ADAMTS12: variants seen among roughly 807,000 people sequenced by gnomAD.
The protein encoded by ADAMTS12 is A disintegrin and metalloproteinase with thrombospondin motifs 12.
Under a neutral mutation model 167.8 loss-of-function variants are expected in ADAMTS12, and 118 were observed. The observed-to-expected ratio is 0.70, with a 90% CI of 0.61 to 0.82. ADAMTS12 has a LOEUF of 0.82. ADAMTS12 is among the 40% of genes least tolerant of loss of function. The pLI, the probability that ADAMTS12 is intolerant of heterozygous loss-of-function variation, is 0.00. For synonymous variants in ADAMTS12, 704 were observed against 716.9 expected (o/e 0.98, Z 0.29); for missense variants, 1,916 against 1,998.8 (o/e 0.96, Z 0.79).
intron 2 of ADAMTS12, among the ~76,000 whole-genome samples, chr5:33,806,253 G>A (rs897921596): frequency 2.0e-5 from 3 of 152,144 alleles, no homozygotes; most frequent in African/African-American, 7.2e-5. Context: ...TTTTCAATGT[G>A]TTAGTTCCTT....
intron 5 of ADAMTS12, among the ~76,000 whole-genome samples, chr5:33,667,317 CA>C (rs5867201): frequency 0.43 from 33,575 of 77,736 alleles, 3,315 homozygotes; most frequent in East Asian, 0.55. Flanking sequence ...GACTCTGTCT[CA>C]AAAAAAAAAA....
At chr5:33,765,161 CA>C (rs1217014914) in intron 2 of ADAMTS12, among the ~76,000 whole-genome samples, 1 of 152,160 alleles carries the variant, frequency 6.6e-6, no homozygotes, top group African/African-American at 2.4e-5. Context: ...CCCTTAGATT[CA>C]ACAAGTATTT....
intron 3 of ADAMTS12, among the ~76,000 whole-genome samples, chr5:33,743,685 G>A (rs1035276008): frequency 3.3e-5 from 5 of 152,100 alleles, no homozygotes; most frequent in East Asian, 1.9e-4. Context: ...TTCTATCTGC[G>A]TCTATCCATC....
At chr5:33,529,211 C>A (rs772478637) in intron 23 of ADAMTS12, among the ~76,000 whole-genome samples, 1 of 152,098 alleles carries the variant, frequency 6.6e-6, no homozygotes, top group Admixed American at 6.5e-5. Context: ...GAGTTCTAAC[C>A]CTTGTTCTCC....
At chr5:33,822,066 T>C (rs1272462546) in intron 2 of ADAMTS12, among the ~76,000 whole-genome samples, 1 of 152,218 alleles carries the variant, frequency 6.6e-6, no homozygotes, top group African/African-American at 2.4e-5. Flanking sequence ...GAAAAATAAC[T>C]ACTATATTTT....
At chr5:33,820,178 T>C (rs1747817802) in intron 2 of ADAMTS12, among the ~76,000 whole-genome samples, 1 of 152,196 alleles carries the variant, frequency 6.6e-6, no homozygotes, top group Non-Finnish European at 1.5e-5. Flanking sequence ...TAGCACTGTT[T>C]AGATGTTTTC....
chr5:33,601,106 A>AGTGTGTGTGTGTGTGT (rs55841502), intron 16 of ADAMTS12, among the ~76,000 whole-genome samples: 23 of 145,918 alleles, frequency 1.6e-4, no homozygotes, highest in African/African-American at 4.5e-4. Flanking sequence ...CACATTTAAG[A>AGTGTGTGTGTGTGTGT]GTGTGTGTGT....
intron 2 of ADAMTS12, among the ~76,000 whole-genome samples, chr5:33,769,025 G>C (rs1745645651): frequency 6.6e-6 from 1 of 151,702 alleles, no homozygotes; most frequent in African/African-American, 2.4e-5. Context: ...GATTATCAAG[G>C]TGGGCCTGAG....
At chr5:33,884,308 G>T (rs1172039120) in intron 1 of ADAMTS12, among the ~76,000 whole-genome samples, 1 of 152,142 alleles carries the variant, frequency 6.6e-6, no homozygotes, top group Non-Finnish European at 1.5e-5. Flanking sequence ...TCCACATCTT[G>T]TTGCCTTCCA....
Position 33,785,953 on chromosome 5 carries a change from T to C in ADAMTS12, c.490-34405A>G, listed in dbSNP as rs1042945367. Among the ~76,000 whole-genome samples the C allele has an allele frequency of 2.0e-5, 3 of 152,212 alleles. No homozygotes were observed. The East Asian group carries it at 5.8e-4, about 29-fold the overall frequency. ...TCATGAATGGATAAACAAAATCTGA[T>C]ACAGCAATACAATGGAATACTATTC... On this transcript the variant is annotated intron_variant, in intron 2 of 23. Coordinates refer to ENST00000504830, the MANE Select transcript of ADAMTS12 (RefSeq NM_030955.4).
chr5:33,730,953 T>C (rs1239997334), intron 3 of ADAMTS12, among the ~76,000 whole-genome samples: 1 of 152,068 alleles, frequency 6.6e-6, no homozygotes, highest in African/African-American at 2.4e-5. Context: ...CAGACCCGGA[T>C]ACAAATCCCA....
At chr5:33,684,774 A>G (rs1477612645) in intron 3 of ADAMTS12, among the ~76,000 whole-genome samples, 1 of 152,232 alleles carries the variant, frequency 6.6e-6, no homozygotes, top group Non-Finnish European at 1.5e-5. Flanking sequence ...CATGAGGGTC[A>G]TGGTTTGGAA....
At chr5:33,871,036 TC>T (rs1158139988) in intron 2 of ADAMTS12, among the ~76,000 whole-genome samples, 1 of 151,520 alleles carries the variant, frequency 6.6e-6, no homozygotes, top group African/African-American at 2.4e-5. Context: ...AAGTAAAATT[TC>T]CCCCCAAAAA....
chr5:33,650,100 A>T (rs1302528377), intron 7 of ADAMTS12, among the ~76,000 whole-genome samples: 2 of 152,224 alleles, frequency 1.3e-5, no homozygotes, highest in Non-Finnish European at 2.9e-5. Flanking sequence ...CTCCCTTTTC[A>T]TCAGAATTTA....
chr5:33,636,220 A>G (rs925837586), intron 12 of ADAMTS12, among the ~76,000 whole-genome samples: 5 of 152,188 alleles, frequency 3.3e-5, no homozygotes, highest in African/African-American at 9.6e-5. Context: ...CACATGTGAT[A>G]TCACTGGAGC....
intron 2 of ADAMTS12, among the ~76,000 whole-genome samples, chr5:33,805,191 G>A (rs1316315967): frequency 6.6e-6 from 1 of 152,106 alleles, no homozygotes; most frequent in Non-Finnish European, 1.5e-5. Context: ...ACAACAAAAG[G>A]AGCCACCCTC....
At position 33,637,662 on chromosome 5, in the gene ADAMTS12, T is replaced by G; in HGVS notation, c.1803A>C (p.Pro601=). The G allele has an allele frequency of 6.8e-6, 11 of 1,613,828 alleles. No individual in the cohort carries two copies. Among genetic ancestry groups the G allele is most frequent in the Non-Finnish European group, 9.3e-6 (11 of 1,179,758 alleles). ...CACTGCACTGCATCTGCCGAAATGTTGGTGCCTCTGAGCGACAGGGGTGGA... is the reference window on the plus strand; with the variant it reads ...CACTGCACTGCATCTGCCGAAATGTGGGTGCCTCTGAGCGACAGGGGTGGA... ...CNVHPCRSEA[P]TFRQMQCSEF... The change falls in exon 12 of 24, where the codon CCA becomes CCC. Residue 601 remains proline (P), a synonymous_variant. Coordinates refer to ENST00000504830, the MANE Select transcript of ADAMTS12 (RefSeq NM_030955.4).
intron 2 of ADAMTS12, among the ~76,000 whole-genome samples, chr5:33,767,605 T>G (rs1313254440): frequency 6.6e-6 from 1 of 152,192 alleles, no homozygotes; most frequent in South Asian, 2.1e-4. Context: ...ACAAATAGCT[T>G]GGATGTTTTA....
At chr5:33,865,720 C>T (rs1239526058) in intron 2 of ADAMTS12, among the ~76,000 whole-genome samples, 3 of 151,688 alleles carry the variant, frequency 2.0e-5, no homozygotes, top group Admixed American at 6.6e-5. Flanking sequence ...ACCCTAAAGA[C>T]TCCTTCAAAA....
Sources: gnomAD v4.1 joint callset for allele counts (sites outside exome capture counted in the v4.1 genomes callset) on GRCh38, gnomAD v4.1.1 for gene constraint, MANE v1.5 for transcripts, NCBI Gene and HGNC (gene_info 2026-07-23, HGNC 2026-07-21) for gene names.